Variants in NCALD observed in about 807,000 individuals in gnomAD.
NCALD encodes the protein neurocalcin delta, also known as neurocalcin-delta.
Under a neutral mutation model 18.6 loss-of-function variants are expected in NCALD, and 10 were observed. That is an observed-to-expected ratio of 0.54 (90% confidence interval 0.33 to 0.91). NCALD has a LOEUF of 0.91. Ranked by LOEUF, NCALD falls within the 40% of genes least tolerant of loss-of-function variation. NCALD has a pLI of 0.03. For missense variants in NCALD, 184 were observed against 247.6 expected (o/e 0.74, Z 1.72); for synonymous variants, 88 against 87.4 (o/e 1.01, Z -0.04).
At chr8:102,040,928 C>A (rs1322602754) in intron 1 of NCALD, among the ~76,000 whole-genome samples, 1 of 152,000 alleles carries the variant, frequency 6.6e-6, no homozygotes, top group Admixed American at 6.5e-5. Context: ...GGTTTCTGGG[C>A]GCTGATGTGG....
chr8:102,122,058 A>G (rs895423440), intron 1 of NCALD, among the ~76,000 whole-genome samples: 1 of 152,246 alleles, frequency 6.6e-6, no homozygotes, highest in East Asian at 1.9e-4. Context: ...GTACATAGAA[A>G]GATACATAGA....
intron 1 of NCALD, among the ~76,000 whole-genome samples, chr8:101,776,143 C>T (rs762276888): frequency 4.6e-5 from 7 of 152,040 alleles, no homozygotes; most frequent in Non-Finnish European, 1.0e-4. Context: ...TGTTCTAAAA[C>T]CTGAAATTAA....
chr8:101,864,532 C>T (rs1345502946), intron 4 of NCALD, among the ~76,000 whole-genome samples: 1 of 151,662 alleles, frequency 6.6e-6, no homozygotes, highest in African/African-American at 2.4e-5. Context: ...TTCATAAAGA[C>T]TCGACAAGAA....
chr8:102,006,940 C>A (rs1156807647), intron 2 of NCALD, among the ~76,000 whole-genome samples: 1 of 152,146 alleles, frequency 6.6e-6, no homozygotes, highest in Non-Finnish European at 1.5e-5. Context: ...CACAAGGCAC[C>A]GCTCAGGCCA....
Position 101,941,785 on chromosome 8 carries a change from T to C in NCALD, c.-156-25927A>G, listed in dbSNP as rs529133797. On this transcript the variant is annotated intron_variant, in intron 2 of 6. Coordinates refer to the NCALD transcript ENST00000311028. Reference sequence around the variant, plus strand: ...GTCTTAACTACAGCAATTTCGAAAATAAGATTGTTTGATATCAGCTATTTT... The same window carrying C: ...GTCTTAACTACAGCAATTTCGAAAACAAGATTGTTTGATATCAGCTATTTT... Among the ~76,000 whole-genome samples, 3 of 152,234 alleles carry C rather than the reference T, an allele frequency of 2.0e-5. No homozygotes were observed. The East Asian group carries it at 5.8e-4, about 29-fold the overall frequency.
In NCALD at chr8:101,875,956, G is replaced by T. The variant is rs141836181; in HGVS notation, c.-20+11185C>A. 9.4e-3 allele frequency among the ~76,000 whole-genome samples: 1,435 copies of T among 152,278 alleles called. 9 individuals carry two copies. The highest frequency in any genetic ancestry group is 0.014 in the Non-Finnish European group (954 of 68,014). On this transcript the variant is annotated intron_variant, in intron 4 of 6. Transcript: ENST00000311028. ...CTGATTCTTTCTCTATTGTTTTTATGAGAGAAGCTTGGCCTCTCTTTCCTC... is the reference window on the plus strand; with the variant it reads ...CTGATTCTTTCTCTATTGTTTTTATTAGAGAAGCTTGGCCTCTCTTTCCTC...
At chr8:101,769,288 T>G (rs1451930717) in intron 1 of NCALD, among the ~76,000 whole-genome samples, 4 of 152,256 alleles carry the variant, frequency 2.6e-5, no homozygotes, top group Non-Finnish European at 5.9e-5. Flanking sequence ...ATAACCATAG[T>G]GTCCAGTATT....
intron 2 of NCALD, among the ~76,000 whole-genome samples, chr8:101,948,433 T>TCC: frequency 6.6e-6 from 1 of 152,202 alleles, no homozygotes; most frequent in East Asian, 1.9e-4. Flanking sequence ...AGTAAAACTT[T>TCC]AGATATGAGG....
intron 2 of NCALD, among the ~76,000 whole-genome samples, chr8:101,708,630 T>C (rs1426285731): frequency 6.6e-6 from 1 of 152,142 alleles, no homozygotes. Flanking sequence ...ATCCATGAGT[T>C]AGGTGTTTCG....
chr8:102,031,338 T>C (rs1365035730), intron 1 of NCALD, among the ~76,000 whole-genome samples: 1 of 152,210 alleles, frequency 6.6e-6, no homozygotes, highest in East Asian at 1.9e-4. Flanking sequence ...GTTCATTAAA[T>C]GAGCAGAACT....
At chr8:102,067,073 T>C (rs1274596622) in intron 1 of NCALD, among the ~76,000 whole-genome samples, 6 of 152,236 alleles carry the variant, frequency 3.9e-5, no homozygotes, top group African/African-American at 7.2e-5. Flanking sequence ...TTTCAGATTC[T>C]AAAAATGGAA....
At chr8:101,858,902 A>C (rs996829659) in intron 4 of NCALD, among the ~76,000 whole-genome samples, 1 of 152,216 alleles carries the variant, frequency 6.6e-6, no homozygotes, top group Non-Finnish European at 1.5e-5. Flanking sequence ...AGGAGAAATG[A>C]ACTTGGAAGA....
chr8:101,689,305 G>A lies in NCALD; in HGVS notation c.*4C>T. On this transcript the variant is annotated 3_prime_UTR_variant, in exon 4 of 4. Transcript: ENST00000220931. This position sits in a 1 kb window ranked among gnomAD's most constrained non-coding sequence, Gnocchi z 4.4. ...CTCTACAATTCGATTGGTGGGCGCA[G>A]GGCTCAGAACTGGCCGGCACTGCTC... 1 of 1,613,598 alleles carries A rather than the reference G, an allele frequency of 6.2e-7. No homozygotes were observed. The highest frequency in any genetic ancestry group is 1.1e-5 in the South Asian group (1 of 90,924).
intron 2 of NCALD, among the ~76,000 whole-genome samples, chr8:101,931,320 T>A (rs987571388): frequency 6.6e-6 from 1 of 152,196 alleles, no homozygotes; most frequent in East Asian, 1.9e-4. Context: ...GCTCCTCCAA[T>A]AGACAAATGT....
chr8:102,111,163 A>G (rs1166294498), intron 1 of NCALD, among the ~76,000 whole-genome samples: 2 of 152,148 alleles, frequency 1.3e-5, no homozygotes, highest in Non-Finnish European at 2.9e-5. Context: ...TGTGAGGACA[A>G]TGATACAGAG....
At chr8:101,843,217 A>G (rs985995749) in intron 4 of NCALD, among the ~76,000 whole-genome samples, 5 of 152,256 alleles carry the variant, frequency 3.3e-5, no homozygotes, top group African/African-American at 4.8e-5. Flanking sequence ...AATCTGTTGA[A>G]TAAATGAGTC....
At chr8:101,906,951 G>C (rs1817630127) in intron 3 of NCALD, among the ~76,000 whole-genome samples, 2 of 152,152 alleles carry the variant, frequency 1.3e-5, no homozygotes. Context: ...CATTCATGAT[G>C]AATAAAATAT....
At chr8:102,119,396 C>T (rs1250150077) in intron 1 of NCALD, among the ~76,000 whole-genome samples, 1 of 151,900 alleles carries the variant, frequency 6.6e-6, no homozygotes, top group Non-Finnish European at 1.5e-5. Context: ...ATAGTGGTTG[C>T]CAGAGGTTGG....
chr8:101,749,335 T>A (rs987923091), intron 1 of NCALD, among the ~76,000 whole-genome samples: 9 of 152,168 alleles, frequency 5.9e-5, no homozygotes, highest in African/African-American at 2.2e-4. Context: ...CAAAAACTAA[T>A]CCTGGAAGTG....
Sources: gnomAD v4.1 joint callset for allele counts (sites outside exome capture counted in the v4.1 genomes callset) on GRCh38, gnomAD v4.1.1 for gene constraint, Gnocchi (gnomAD v3.1) non-coding constraint, MANE v1.5 for transcripts, NCBI Gene and HGNC (gene_info 2026-07-23, HGNC 2026-07-21) for gene names.